CDKL1: variants seen among roughly 807,000 people sequenced by gnomAD.
CDKL1 encodes the protein cyclin-dependent kinase-like 1.
Under a neutral mutation model 42.0 loss-of-function variants are expected in CDKL1, and 41 were observed. The ratio of observed to expected loss-of-function variants is 0.98; its 90% CI spans 0.76 to 1.27. The LOEUF (loss-of-function observed/expected upper bound fraction) is 1.27. Ranked by LOEUF, CDKL1 falls within the 50% of genes most tolerant of loss-of-function variation. The probability of loss-of-function intolerance (pLI) is 0.00; values close to 1 mark genes in which losing one functional copy is unlikely to be tolerated. For synonymous variants in CDKL1, 153 were observed against 158.6 expected, an observed-to-expected ratio of 0.96 and a Z score of 0.26; for missense variants, 394 against 428.4, an observed-to-expected ratio of 0.92 and a Z score of 0.71.
Position 50,332,243 on chromosome 14 carries a change from G to C in CDKL1, c.966+19C>G, listed in dbSNP as rs773617966. 2.5e-6 allele frequency: 4 copies of C among 1,614,068 alleles called. No individual in the cohort carries two copies. The highest frequency in any genetic ancestry group is 3.4e-6 in the Non-Finnish European group (4 of 1,180,022). On this transcript the variant is annotated intron_variant, in intron 9 of 9. Transcript: ENST00000395834. ...TCTCTGTACCAGGTGGCAGGTAGGA[G>C]ATCATTTCAAATTATAACCTTGGAT...
intron 6 of CDKL1, among the ~76,000 whole-genome samples, chr14:50,339,789 T>C (rs1280433089): frequency 1.3e-5 from 2 of 152,158 alleles, no homozygotes; most frequent in Non-Finnish European, 2.9e-5. Flanking sequence ...ATCCCCTTTA[T>C]GTAAAATTCT....
intron 3 of CDKL1, among the ~76,000 whole-genome samples, chr14:50,349,505 G>T (rs2033831408): frequency 6.6e-6 from 1 of 152,182 alleles, no homozygotes; most frequent in Non-Finnish European, 1.5e-5. Flanking sequence ...ATGGCAGAGG[G>T]AGATGACGGG....
chr14:50,381,839 C>T (rs1351006467), intron 2 of CDKL1, among the ~76,000 whole-genome samples: 1 of 152,130 alleles, frequency 6.6e-6, no homozygotes, highest in East Asian at 1.9e-4. Flanking sequence ...GTGGTGTGAT[C>T]ATAGCTCACT....
intron 2 of CDKL1, chr14:50,380,281 A>C: frequency 1.9e-6 from 1 of 520,734 alleles, no homozygotes; most frequent in South Asian, 1.4e-5. Flanking sequence ...TCAAAGACTT[A>C]GGAATGCAGA....
Position 50,341,853 on chromosome 14 carries a change from G to A in CDKL1, c.454+279C>T, listed in dbSNP as rs151284038. ...GGTTGAAAGCCACTATTCTAAAGTA[G>A]CACTTCTGAAAAGTATTTTAGCAAG... On this transcript the variant is annotated intron_variant, in intron 5 of 9. Transcript: ENST00000395834. Among the ~76,000 whole-genome samples the A allele has an allele frequency of 1.1e-4, 16 of 151,938 alleles. 1 individual carries two copies. Among genetic ancestry groups the A allele is most frequent in the African/African-American group, 3.6e-4 (15 of 41,444 alleles).
intron 2 of CDKL1, among the ~76,000 whole-genome samples, chr14:50,379,864 G>A (rs940313173): frequency 1.3e-5 from 2 of 152,176 alleles, no homozygotes; most frequent in Admixed American, 6.5e-5. Flanking sequence ...CTTTTCAAAG[G>A]GATCTGTGGC....
At chr14:50,338,640 T>C (rs533766319) in intron 7 of CDKL1, among the ~76,000 whole-genome samples, 1 of 152,176 alleles carries the variant, frequency 6.6e-6, no homozygotes, top group East Asian at 1.9e-4. Context: ...CCTTGATAGG[T>C]CTAGGTCTAA....
At chr14:50,368,885 T>C (rs1475214738) in intron 2 of CDKL1, among the ~76,000 whole-genome samples, 1 of 149,574 alleles carries the variant, frequency 6.7e-6, no homozygotes, top group East Asian at 2.0e-4. Context: ...TTTTTTTTTT[T>C]AGATGGAGTC....
intron 2 of CDKL1, among the ~76,000 whole-genome samples, chr14:50,360,695 T>TGAAACCGGCCATGAGCCAC (rs1255912744): frequency 2.6e-5 from 4 of 152,114 alleles, no homozygotes; most frequent in Non-Finnish European, 5.9e-5. Context: ...GCTTGAGCCA[T>TGAAACCGGCCATGAGCCAC]GAACCCGGCC....
intron 9 of CDKL1, chr14:50,330,522 T>C (rs1456462124): frequency 8.5e-6 from 2 of 235,862 alleles, no homozygotes; most frequent in African/African-American, 2.4e-5. Context: ...CCTTGTCTTA[T>C]AGCGGAGAAA....
chr14:50,388,476 CT>C, intron 2 of CDKL1, among the ~76,000 whole-genome samples: 1 of 152,366 alleles, frequency 6.6e-6, no homozygotes, highest in Middle Eastern at 3.4e-3. Context: ...CAGTGAGCCT[CT>C]TGGGGGACTG....
intron 3 of CDKL1, among the ~76,000 whole-genome samples, chr14:50,348,549 G>A (rs920984729): frequency 2.6e-5 from 4 of 152,130 alleles, no homozygotes; most frequent in African/African-American, 7.2e-5. Context: ...TGGGAAACCC[G>A]GCAGGCAGAC....
Position 50,342,143 on chromosome 14 carries a change from G to A in CDKL1, c.443C>T (p.Ala148Val). ...SVIKLCDFGF[A>V]RLLTGPSDYY... ...ATGTCAATACTCACTCAAAAGCCGA[G>A]CAAATCCAAAGTCACAAAGCTTAAT... The change falls in exon 5 of 10, where the codon GCT (alanine) becomes GTT (valine). Residue 148 changes from alanine (A) to valine (V), a missense_variant. Transcript: ENST00000395834. 1 of 1,613,936 alleles carries A rather than the reference G, an allele frequency of 6.2e-7. No homozygotes were observed. Among genetic ancestry groups the A allele is most frequent in the Non-Finnish European group, 8.5e-7 (1 of 1,179,942 alleles).
chr14:50,343,269 TGA>T (rs1443129864), intron 4 of CDKL1, among the ~76,000 whole-genome samples: 3 of 148,148 alleles, frequency 2.0e-5, no homozygotes, highest in Admixed American at 6.9e-5. Flanking sequence ...GTTTGCAACC[TGA>T]GAGACCCTCT....
chr14:50,376,324 C>T lies in CDKL1; in HGVS notation c.169-17175G>A, dbSNP rs200154119. 8.6e-6 allele frequency: 4 copies of T among 464,746 alleles called. No homozygotes were observed. The East Asian group carries it at 2.1e-4, about 24-fold the overall frequency. 28.8% of individuals were successfully genotyped at this position (464,746 alleles called of 1,614,324 possible). A position where few individuals can be genotyped will look rare whatever the true frequency, so the allele number is the denominator to read the frequency against. On this transcript the variant is annotated intron_variant, in intron 2 of 9. Transcript: ENST00000395834. The stretch of plus-strand genomic sequence containing the variant: ...AAAATTTATTGAAAACACACACAGA[C>T]ACGTCCTCTTACTAGCACTCCACTT...
intron 3 of CDKL1, among the ~76,000 whole-genome samples, chr14:50,356,585 A>G (rs2034064018): frequency 6.6e-6 from 1 of 152,232 alleles, no homozygotes; most frequent in Non-Finnish European, 1.5e-5. Context: ...GGAACAGAAA[A>G]CCAAACACCA....
At position 50,395,850 on chromosome 14, in the gene CDKL1, T is replaced by C; in HGVS notation, c.19A>G (p.Ile7Val). 2 of 1,612,290 alleles carry C rather than the reference T, an allele frequency of 1.2e-6. No individual in the cohort carries two copies. Among genetic ancestry groups the C allele is most frequent in the Non-Finnish European group, 1.7e-6 (2 of 1,178,388 alleles). Reference sequence around the variant, plus strand: ...TAGGATCCTTCTCCAATTTTCCCAATTTTTTCATACTTCTCCATCATAGAG... The same window carrying C: ...TAGGATCCTTCTCCAATTTTCCCAACTTTTTCATACTTCTCCATCATAGAG... MEKYEKIGKIGEGSYGV... is the reference protein window; with the variant it reads MEKYEKVGKIGEGSYGV... The change falls in exon 2 of 10, where the codon ATT becomes GTT. Residue 7 changes from isoleucine to valine, a missense_variant. Ile to Val is a conservative substitution (Grantham distance 29). Coordinates refer to ENST00000395834, the MANE Select transcript of CDKL1 (RefSeq NM_004196.7).
rs139179869 is a variant in CDKL1 at position 50,373,933 on chromosome 14, C to T, written c.169-14784G>A. On this transcript the variant is annotated intron_variant, in intron 2 of 9. Transcript: ENST00000395834. ...AGTAATCACACTCCTAGGTATTTAC[C>T]CAAATGGTTGAAAACTATGTCCATA... is the stretch of plus-strand genomic sequence containing the variant. 9.3e-4 allele frequency among the ~76,000 whole-genome samples: 141 copies of T among 152,160 alleles called. 1 individual carries two copies. Among genetic ancestry groups the T allele is most frequent in the African/African-American group, 3.2e-3 (134 of 41,522 alleles).
At chr14:50,353,224 A>C (rs2033956427) in intron 3 of CDKL1, among the ~76,000 whole-genome samples, 1 of 152,238 alleles carries the variant, frequency 6.6e-6, no homozygotes, top group Non-Finnish European at 1.5e-5. Context: ...TAATGTCCTA[A>C]TAACAAAATC....
Sources: allele counts gnomAD v4.1 joint callset (sites outside exome capture counted in the v4.1 genomes callset), GRCh38; gene constraint gnomAD v4.1.1; transcripts MANE v1.5; gene names NCBI Gene and HGNC (gene_info 2026-07-23, HGNC 2026-07-21).